The following SYNGR1 variants were observed in gnomAD, a reference collection of about 807,000 sequenced individuals.
SYNGR1 encodes the protein synaptogyrin-1.
Under a neutral mutation model 26.1 loss-of-function variants are expected in SYNGR1, and 14 were observed. The ratio of observed to expected loss-of-function variants is 0.54; its 90% CI spans 0.35 to 0.84. SYNGR1 has a LOEUF of 0.84. Among genes scored for constraint, SYNGR1 ranks in the 40% least tolerant of loss-of-function variants. The probability of loss-of-function intolerance (pLI) is 0.01; values close to 1 mark genes in which losing one functional copy is unlikely to be tolerated. For synonymous variants in SYNGR1, 141 were observed against 150.1 expected (o/e 0.94, Z 0.44); for missense variants, 319 against 332.9 (o/e 0.96, Z 0.33).
intron 1 of SYNGR1, among the ~76,000 whole-genome samples, chr22:39,367,410 A>T (rs970247800): frequency 6.6e-6 from 1 of 152,148 alleles, no homozygotes; most frequent in African/African-American, 2.4e-5. Flanking sequence ...GAAAACATGG[A>T]AAGGGGCCTG....
At chr22:39,373,351 A>G (rs1334686259) in intron 1 of SYNGR1, among the ~76,000 whole-genome samples, 1 of 151,962 alleles carries the variant, frequency 6.6e-6, no homozygotes, top group African/African-American at 2.4e-5. Context: ...GTATTTTAGT[A>G]AAGACGGGGT....
chr22:39,381,424 G>A (rs1162866307), intron 3 of SYNGR1, among the ~76,000 whole-genome samples: 1 of 152,180 alleles, frequency 6.6e-6, no homozygotes, highest in Admixed American at 6.5e-5. Context: ...TGGTAGCCCA[G>A]ACTGACCTCT....
intron 1 of SYNGR1, among the ~76,000 whole-genome samples, chr22:39,357,250 G>C (rs1453131925): frequency 7.3e-5 from 11 of 151,636 alleles, no homozygotes; most frequent in Admixed American, 6.6e-4. Context: ...AGGCAACAGA[G>C]CAAGACTCTG....
chr22:39,363,815 C>G (rs1924603670), intron 1 of SYNGR1, among the ~76,000 whole-genome samples: 1 of 152,152 alleles, frequency 6.6e-6, no homozygotes, highest in Non-Finnish European at 1.5e-5. Context: ...AGGGCTCCCC[C>G]GAGCCACCCA....
At position 39,384,213 on chromosome 22, in the gene SYNGR1, G is replaced by C; in HGVS notation, c.*2299G>C. On this transcript the variant is annotated 3_prime_UTR_variant, in exon 4 of 4. Coordinates refer to ENST00000328933, the MANE Select transcript of SYNGR1 (RefSeq NM_004711.5). ...AGCCTCTCCTGCTGATGGGCACTAGGAGACCTCAGGGTACTGCCCATCTGT... is the reference window on the plus strand; with the variant it reads ...AGCCTCTCCTGCTGATGGGCACTAGCAGACCTCAGGGTACTGCCCATCTGT... 3.6e-6 allele frequency: 1 copy of C among 277,978 alleles called. No individual in the cohort carries two copies. The highest frequency in any genetic ancestry group is 6.7e-6 in the Non-Finnish European group (1 of 149,616). The allele number at this position is 277,978 out of a possible 1,614,324, so 17.2% of individuals were successfully genotyped here. A position where few individuals can be genotyped will look rare whatever the true frequency, so the allele number is the denominator to read the frequency against.
At chr22:39,378,124 A>C (rs1925369946) in intron 3 of SYNGR1, 34 of 1,163,044 alleles carry the variant, frequency 2.9e-5, no homozygotes, top group Non-Finnish European at 3.7e-5. Flanking sequence ...CTCCCTTCAC[A>C]GCGGTGTGAA....
intron 3 of SYNGR1, chr22:39,378,215 T>C: frequency 1.9e-6 from 2 of 1,064,666 alleles, no homozygotes; most frequent in Non-Finnish European, 2.3e-6. Context: ...CCTCATGTGC[T>C]ATGTGACCCT....
intron 1 of SYNGR1, among the ~76,000 whole-genome samples, chr22:39,371,532 G>A (rs965530454): frequency 2.6e-4 from 38 of 147,824 alleles, no homozygotes; most frequent in East Asian, 2.0e-3. Context: ...GCTCACGCCC[G>A]TAATCCCAGC....
chr22:39,375,533 C>G (rs547883021), intron 2 of SYNGR1: 1 of 250,748 alleles, frequency 4.0e-6, no homozygotes, highest in South Asian at 8.1e-5. Flanking sequence ...CGTTAGAAGT[C>G]GAAGCCCAGA....
At chr22:39,352,490 T>C (rs2145603311) in intron 1 of SYNGR1, among the ~76,000 whole-genome samples, 2 of 152,296 alleles carry the variant, frequency 1.3e-5, no homozygotes, top group Admixed American at 1.3e-4. Flanking sequence ...AGAAAAAGTT[T>C]GGTGGGGGGT....
chr22:39,376,979 A>T, intron 3 of SYNGR1: 4 of 1,550,394 alleles, frequency 2.6e-6, no homozygotes, highest in Non-Finnish European at 3.5e-6. Context: ...GGTCTGGGTC[A>T]TGTCTGTTTC....
At chr22:39,364,861 C>G (rs1924658169) in intron 1 of SYNGR1, among the ~76,000 whole-genome samples, 1 of 152,078 alleles carries the variant, frequency 6.6e-6, no homozygotes, top group Non-Finnish European at 1.5e-5. Flanking sequence ...TTCTGAGATT[C>G]CTTCTGATTT....
Position 39,350,821 on chromosome 22 carries a change from G to A in SYNGR1, c.99+712G>A, listed in dbSNP as rs1441085666. Among the ~76,000 whole-genome samples, 6 of 152,156 alleles carry A rather than the reference G, an allele frequency of 3.9e-5. No homozygotes were observed. The highest frequency in any genetic ancestry group is 7.3e-5 in the Non-Finnish European group (5 of 68,030). On this transcript the variant is annotated intron_variant, in intron 1 of 3. Transcript: ENST00000328933. The surrounding 1 kb of genome is among the most constrained non-coding windows in gnomAD (Gnocchi z 4.3). ...GGCGGAGCCTTCTTGAGGCCCCCTTGGGCTCTGACATTTCATGAACCGGTA... is the reference window on the plus strand; with the variant it reads ...GGCGGAGCCTTCTTGAGGCCCCCTTAGGCTCTGACATTTCATGAACCGGTA...
rs1299139101 is a variant in SYNGR1 at position 39,383,494 on chromosome 22, C to T, written c.*1580C>T. On this transcript the variant is annotated 3_prime_UTR_variant, in exon 4 of 4. Coordinates refer to ENST00000328933, the MANE Select transcript of SYNGR1 (RefSeq NM_004711.5). ...GGGCTCTTCACTGAGCCATAAGGGA[C>T]AGGGAGGTATGGGAGAGCGCTGGGG... 6.6e-6 allele frequency: 1 copy of T among 152,506 alleles called. No individual in the cohort carries two copies. The highest frequency in any genetic ancestry group is 1.5e-5 in the Non-Finnish European group (1 of 68,212). The allele number at this position is 152,506 out of a possible 1,614,324, so 9.4% of individuals were successfully genotyped here. A position where few individuals can be genotyped will look rare whatever the true frequency, so the allele number is the denominator to read the frequency against.
At position 39,384,452 on chromosome 22, in the gene SYNGR1, A is replaced by G. The variant is rs927275913; in HGVS notation, c.*2538A>G. On this transcript the variant is annotated 3_prime_UTR_variant, in exon 4 of 4. Coordinates refer to ENST00000328933, the MANE Select transcript of SYNGR1 (RefSeq NM_004711.5). ...GTTCAGCCCAGAAGCCCTTCCAGGC[A>G]TGATCTTCCCCATCAGGCTGGGCTC... 32 of 398,332 alleles carry G rather than the reference A, an allele frequency of 8.0e-5. No individual in the cohort carries two copies. Among genetic ancestry groups the G allele is most frequent in the African/African-American group, 1.4e-4 (7 of 48,650 alleles). The allele number at this position is 398,332 out of a possible 1,614,324, so 24.7% of individuals were successfully genotyped here. A position where few individuals can be genotyped will look rare whatever the true frequency, so the allele number is the denominator to read the frequency against.
intron 1 of SYNGR1, among the ~76,000 whole-genome samples, chr22:39,365,988 CTTTTTTTTTT>C (rs777416803): frequency 0.015 from 1,034 of 68,400 alleles, 29 homozygotes; most frequent in East Asian, 0.12. Context: ...TCAGCCCCTT[CTTTTTTTTTT>C]TTTTTTTTTT....
rs1457636205 is a variant in SYNGR1 at position 39,385,272 on chromosome 22, G to A, written c.*3358G>A. The A allele has an allele frequency of 1.2e-4, 42 of 340,410 alleles. No individual in the cohort carries two copies. The highest frequency in any genetic ancestry group is 1.8e-4 in the Non-Finnish European group (34 of 190,062). The allele number at this position is 340,410 out of a possible 1,614,324, so 21.1% of individuals were successfully genotyped here. A position where few individuals can be genotyped will look rare whatever the true frequency, so the allele number is the denominator to read the frequency against. On this transcript the variant is annotated 3_prime_UTR_variant, in exon 4 of 4. Transcript: ENST00000328933. ...TGTCCTGGTGCGCACAGCCCTTGTCGGTGCCCCGGCCCCTCCCGCAGCGTT... is the reference window on the plus strand; with the variant it reads ...TGTCCTGGTGCGCACAGCCCTTGTCAGTGCCCCGGCCCCTCCCGCAGCGTT...
At chr22:39,352,773 T>G (rs982453556) in intron 1 of SYNGR1, among the ~76,000 whole-genome samples, 1 of 152,142 alleles carries the variant, frequency 6.6e-6, no homozygotes, top group African/African-American at 2.4e-5. Flanking sequence ...CAGGGACAAT[T>G]TGTCACCCTG....
chr22:39,373,402 G>A (rs998630545), intron 1 of SYNGR1, among the ~76,000 whole-genome samples: 4 of 151,562 alleles, frequency 2.6e-5, no homozygotes, highest in Admixed American at 6.6e-5. Flanking sequence ...TCCTGACCTC[G>A]TGATCCACCC....
Sources: gnomAD v4.1 joint callset for allele counts (sites outside exome capture counted in the v4.1 genomes callset) on GRCh38, gnomAD v4.1.1 for gene constraint, Gnocchi (gnomAD v3.1) non-coding constraint, MANE v1.5 for transcripts, NCBI Gene and HGNC (gene_info 2026-07-23, HGNC 2026-07-21) for gene names.